Variants in BACH2 observed in about 807,000 individuals in gnomAD.
BACH2 encodes BACH transcriptional regulator 2, also known as transcription regulator protein BACH2.
In BACH2, 5 loss-of-function variants were observed where a neutral mutation model predicts 61.8. The ratio of observed to expected loss-of-function variants is 0.08; its 90% confidence interval spans 0.04 to 0.17. The LOEUF is 0.17. Among genes scored for constraint, BACH2 ranks in the 10% least tolerant of loss-of-function variants. The pLI, the probability that BACH2 is intolerant of heterozygous loss-of-function variation, is 1.00. For synonymous variants in BACH2, 446 were observed against 440.1 expected (o/e 1.01, Z -0.17); for missense variants, 824 against 1,091.1 (o/e 0.76, Z 3.45).
intron 5 of BACH2, among the ~76,000 whole-genome samples, chr6:90,068,347 CCT>C (rs1224384665): frequency 1.3e-5 from 2 of 152,068 alleles, no homozygotes; most frequent in African/African-American, 4.8e-5. Flanking sequence ...TCAGAAAATC[CCT>C]GTCCTCAAAG....
intron 1 of BACH2, among the ~76,000 whole-genome samples, chr6:90,274,555 G>A (rs1438068870): frequency 6.6e-6 from 1 of 152,138 alleles, no homozygotes; most frequent in Admixed American, 6.5e-5. Context: ...AGTGGGTGCT[G>A]TACCTTTATC....
At chr6:90,030,002 T>A (rs1778875148) in intron 5 of BACH2, among the ~76,000 whole-genome samples, 1 of 152,228 alleles carries the variant, frequency 6.6e-6, no homozygotes, top group Non-Finnish European at 1.5e-5. Context: ...GTCTTGAGTG[T>A]GCTTTATTTC....
At chr6:90,115,052 C>T (rs779780063) in intron 4 of BACH2, among the ~76,000 whole-genome samples, 8 of 152,054 alleles carry the variant, frequency 5.3e-5, no homozygotes, top group Non-Finnish European at 7.4e-5. Context: ...ACATCCCATG[C>T]GCGTGGATAG....
intron 8 of BACH2, among the ~76,000 whole-genome samples, chr6:89,936,359 C>T (rs1045717839): frequency 1.3e-5 from 2 of 152,180 alleles, no homozygotes; most frequent in Admixed American, 6.5e-5. Context: ...CCAGGCTAGT[C>T]TCAAACTTGT....
intron 4 of BACH2, among the ~76,000 whole-genome samples, chr6:90,129,059 T>C (rs1420180852): frequency 1.3e-5 from 2 of 151,900 alleles, no homozygotes; most frequent in African/African-American, 4.8e-5. Flanking sequence ...CTGGGGCCTG[T>C]TGTGGGGTGG....
At chr6:90,232,127 T>C (rs141410792) in intron 3 of BACH2, among the ~76,000 whole-genome samples, 66 of 152,366 alleles carry the variant, frequency 4.3e-4, no homozygotes, top group Middle Eastern at 3.4e-3. Context: ...GAAATCCAGA[T>C]AATCAAAACA....
intron 4 of BACH2, among the ~76,000 whole-genome samples, chr6:90,137,848 G>A (rs892852909): frequency 6.6e-6 from 1 of 152,174 alleles, no homozygotes; most frequent in Non-Finnish European, 1.5e-5. Context: ...TTCGGCTGCT[G>A]TCTTGCAAAG....
chr6:90,245,802 A>G (rs768884699), intron 3 of BACH2, among the ~76,000 whole-genome samples: 4 of 152,186 alleles, frequency 2.6e-5, no homozygotes, highest in Non-Finnish European at 5.9e-5. Context: ...GAATTTAAAG[A>G]TTTTTCATAT....
chr6:89,992,247 T>C (rs1344615086), intron 6 of BACH2, among the ~76,000 whole-genome samples: 2 of 152,252 alleles, frequency 1.3e-5, no homozygotes, highest in African/African-American at 2.4e-5. Flanking sequence ...GTTACAATTA[T>C]GTATTATTTT....
chr6:90,259,406 T>C (rs916174305), intron 2 of BACH2, among the ~76,000 whole-genome samples: 6 of 152,258 alleles, frequency 3.9e-5, no homozygotes, highest in Non-Finnish European at 7.3e-5. Context: ...CAGCTTTGTA[T>C]GCCAGGGATA....
At chr6:90,257,492 G>C (rs564898157) in intron 2 of BACH2, among the ~76,000 whole-genome samples, 1 of 152,258 alleles carries the variant, frequency 6.6e-6, no homozygotes, top group South Asian at 2.1e-4. Flanking sequence ...CCTTTCATAT[G>C]CCTGTGGCCA....
At chr6:89,976,326 G>A (rs57603720) in intron 6 of BACH2, among the ~76,000 whole-genome samples, 3,479 of 152,312 alleles carry the variant, frequency 0.023, 124 homozygotes, top group African/African-American at 0.076. Context: ...GCAAGCTCCC[G>A]CTTGCCTTCT....
intron 6 of BACH2, among the ~76,000 whole-genome samples, chr6:90,006,101 A>G (rs1777389949): frequency 1.3e-5 from 2 of 152,252 alleles, no homozygotes. Flanking sequence ...TGTCATATAC[A>G]TTTGTATCCC....
intron 1 of BACH2, among the ~76,000 whole-genome samples, chr6:90,284,091 T>C (rs780080442): frequency 6.6e-6 from 1 of 152,146 alleles, no homozygotes; most frequent in Non-Finnish European, 1.5e-5. Flanking sequence ...TCTTACAGTC[T>C]AGAAATTCAG....
Position 90,203,870 on chromosome 6 carries a change from T to A in BACH2, c.-162+2699A>T, listed in dbSNP as rs539754501. The stretch of plus-strand genomic sequence containing the variant: ...CCAAAGTACACCCCTTTCTGGTGTT[T>A]CCTCAGACCCTGGCACAGATAGGAG... On this transcript the variant is annotated intron_variant, in intron 4 of 8. Transcript: ENST00000257749. Among the ~76,000 whole-genome samples, 2 of 152,238 alleles carry A rather than the reference T, an allele frequency of 1.3e-5. 1 individual carries two copies. Among genetic ancestry groups the A allele is most frequent in the South Asian group, 4.2e-4 (2 of 4,818 alleles).
At chr6:90,275,442 G>A (rs1477230506) in intron 1 of BACH2, among the ~76,000 whole-genome samples, 1 of 123,206 alleles carries the variant, frequency 8.1e-6, no homozygotes, top group East Asian at 4.7e-4. Context: ...ACCAAAATTT[G>A]TTTTTACTTT....
At chr6:90,059,223 C>T (rs1198376209) in intron 5 of BACH2, among the ~76,000 whole-genome samples, 3 of 152,256 alleles carry the variant, frequency 2.0e-5, no homozygotes, top group Non-Finnish European at 2.9e-5. Context: ...GCAAGCTACT[C>T]ATCTGACAAA....
At chr6:90,211,921 C>T (rs1409822119) in intron 3 of BACH2, among the ~76,000 whole-genome samples, 1 of 152,188 alleles carries the variant, frequency 6.6e-6, no homozygotes, top group African/African-American at 2.4e-5. Context: ...CCCTTCCCAC[C>T]ACCACGCCCA....
intron 5 of BACH2, among the ~76,000 whole-genome samples, chr6:90,023,248 C>T (rs1191646668): frequency 6.6e-6 from 1 of 152,060 alleles, no homozygotes; most frequent in Non-Finnish European, 1.5e-5. Flanking sequence ...AATTGTAATC[C>T]CCGATGCTGG....
Sources: allele counts gnomAD v4.1 joint callset (sites outside exome capture counted in the v4.1 genomes callset), GRCh38; gene constraint gnomAD v4.1.1; transcripts MANE v1.5; gene names NCBI Gene and HGNC (gene_info 2026-07-23, HGNC 2026-07-21).